The following SLC9A9 variants were observed in gnomAD, a reference collection of about 807,000 sequenced individuals.
The protein encoded by SLC9A9 is sodium/hydrogen exchanger 9.
A neutral mutation model predicts 77.8 loss-of-function variants in SLC9A9; 62 were observed. The ratio of observed to expected loss-of-function variants is 0.80; its 90% confidence interval spans 0.65 to 0.98. The LOEUF is 0.98. Among genes scored for constraint, SLC9A9 ranks in the 50% least tolerant of loss-of-function variants. The pLI is 0.00. For missense variants in SLC9A9, 775 were observed against 774.9 expected (o/e 1.00, Z 0.00); for synonymous variants, 320 against 283.5 (o/e 1.13, Z -1.29).
chr3:143,594,931 G>A (rs1452601032), intron 6 of SLC9A9, among the ~76,000 whole-genome samples: 3 of 152,168 alleles, frequency 2.0e-5, no homozygotes, highest in Non-Finnish European at 4.4e-5. Flanking sequence ...TCTGTCCTTG[G>A]CTGCTACTAA....
At chr3:143,722,472 CAAAAA>C (rs60995925) in intron 4 of SLC9A9, among the ~76,000 whole-genome samples, 1 of 58,344 alleles carries the variant, frequency 1.7e-5, no homozygotes, top group African/African-American at 7.2e-5. Flanking sequence ...GACTCCATCT[CAAAAA>C]AAAAAAAAAA....
At chr3:143,335,788 G>C (rs551242653) in intron 14 of SLC9A9, among the ~76,000 whole-genome samples, 7 of 152,210 alleles carry the variant, frequency 4.6e-5, no homozygotes, top group African/African-American at 1.7e-4. Flanking sequence ...CTAAGTATAA[G>C]ATCTAAAACT....
chr3:143,825,134 C>T (rs957247850), intron 2 of SLC9A9, among the ~76,000 whole-genome samples: 13 of 151,282 alleles, frequency 8.6e-5, no homozygotes, highest in African/African-American at 2.9e-4. Context: ...TGCTTTCTCT[C>T]AGTGTGCCTA....
intron 4 of SLC9A9, among the ~76,000 whole-genome samples, chr3:143,738,153 G>T (rs1409919035): frequency 6.6e-6 from 1 of 152,182 alleles, no homozygotes; most frequent in South Asian, 2.1e-4. Context: ...CTAGACTTGG[G>T]AGACAGGAAG....
chr3:143,445,837 A>G (rs2034831385), intron 12 of SLC9A9, among the ~76,000 whole-genome samples: 1 of 152,178 alleles, frequency 6.6e-6, no homozygotes, highest in Non-Finnish European at 1.5e-5. Context: ...CAATTATGTT[A>G]AAAGTTTTTG....
chr3:143,560,920 C>T (rs2037073670), intron 8 of SLC9A9, among the ~76,000 whole-genome samples: 1 of 152,216 alleles, frequency 6.6e-6, no homozygotes, highest in Admixed American at 6.5e-5. Flanking sequence ...GTGGCTCACG[C>T]CTGTAATCCC....
At chr3:143,283,619 G>A (rs1441276996) in intron 14 of SLC9A9, among the ~76,000 whole-genome samples, 2 of 152,208 alleles carry the variant, frequency 1.3e-5, no homozygotes, top group African/African-American at 2.4e-5. Context: ...GGAAGGGTGC[G>A]TCACTCTTGA....
At chr3:143,403,119 C>T (rs980643343) in intron 12 of SLC9A9, among the ~76,000 whole-genome samples, 7 of 151,906 alleles carry the variant, frequency 4.6e-5, no homozygotes, top group Admixed American at 6.6e-5. Context: ...AAACACAATT[C>T]GGTGTTGCTA....
chr3:143,439,881 G>A (rs1232069485), intron 12 of SLC9A9, among the ~76,000 whole-genome samples: 2 of 152,184 alleles, frequency 1.3e-5, no homozygotes, highest in Admixed American at 6.5e-5. Flanking sequence ...AGGCAGAGGT[G>A]GCCCTTCTAA....
intron 6 of SLC9A9, among the ~76,000 whole-genome samples, chr3:143,634,838 A>G (rs2108730754): frequency 6.6e-6 from 1 of 152,250 alleles, no homozygotes; most frequent in Admixed American, 6.5e-5. Flanking sequence ...GTTTTAATGA[A>G]TATATATTAC....
intron 6 of SLC9A9, among the ~76,000 whole-genome samples, chr3:143,595,555 A>G (rs1476029986): frequency 3.9e-5 from 6 of 152,212 alleles, no homozygotes; most frequent in African/African-American, 1.4e-4. Flanking sequence ...ATTCCTCTTG[A>G]GTCTCTCAAT....
chr3:143,373,968 C>T (rs2033116238), intron 13 of SLC9A9, among the ~76,000 whole-genome samples: 1 of 152,090 alleles, frequency 6.6e-6, no homozygotes, highest in African/African-American at 2.4e-5. Flanking sequence ...CCAAGAAATT[C>T]AGTGAACCCA....
At position 143,551,683 on chromosome 3, in the gene SLC9A9, G is replaced by A. The variant is rs62269778; in HGVS notation, c.1089+679C>T. On this transcript the variant is annotated intron_variant, in intron 9 of 15. Transcript: ENST00000316549. ...AAAGCTCCTTATGCACACTATAGAC[G>A]TATTTCTATGACAATACTTATAAAA... Among the ~76,000 whole-genome samples the A allele has an allele frequency of 9.8e-3, 1,486 of 152,220 alleles. 28 individuals carry two copies. The highest frequency in any genetic ancestry group is 0.033 in the African/African-American group (1,377 of 41,520).
chr3:143,313,940 G>A (rs1215612811), intron 14 of SLC9A9, among the ~76,000 whole-genome samples: 1 of 152,182 alleles, frequency 6.6e-6, no homozygotes, highest in Admixed American at 6.5e-5. Context: ...GTGCAGGCAT[G>A]GCTGCCCATG....
At chr3:143,450,256 A>G (rs1434030461) in intron 12 of SLC9A9, among the ~76,000 whole-genome samples, 1 of 143,636 alleles carries the variant, frequency 7.0e-6, no homozygotes, top group East Asian at 2.0e-4. Flanking sequence ...TATATATTGT[A>G]ACATAAAAAT....
chr3:143,307,298 C>A (rs1195094196), intron 14 of SLC9A9, among the ~76,000 whole-genome samples: 2 of 152,228 alleles, frequency 1.3e-5, no homozygotes, highest in Non-Finnish European at 2.9e-5. Flanking sequence ...ACCAGCACAC[C>A]ACTGGTTAAT....
chr3:143,385,992 G>C (rs1459429125), intron 12 of SLC9A9, among the ~76,000 whole-genome samples: 1 of 152,064 alleles, frequency 6.6e-6, no homozygotes, highest in Non-Finnish European at 1.5e-5. Context: ...TGGTATTTTG[G>C]GCCACGCTGG....
chr3:143,788,710 A>T (rs2008129924), intron 4 of SLC9A9, among the ~76,000 whole-genome samples: 1 of 139,636 alleles, frequency 7.2e-6, no homozygotes, highest in African/African-American at 2.6e-5. Flanking sequence ...AAAAAAAAAG[A>T]CATCATCTCT....
At chr3:143,692,466 T>C (rs757487622) in intron 5 of SLC9A9, among the ~76,000 whole-genome samples, 16 of 152,136 alleles carry the variant, frequency 1.1e-4, no homozygotes, top group Non-Finnish European at 2.4e-4. Flanking sequence ...AATCCAGTCA[T>C]GATGAGAGAG....
Sources: gnomAD v4.1 joint callset for allele counts (sites outside exome capture counted in the v4.1 genomes callset) on GRCh38, gnomAD v4.1.1 for gene constraint, MANE v1.5 for transcripts, NCBI Gene and HGNC (gene_info 2026-07-23, HGNC 2026-07-21) for gene names.